The following SULF1 variants were observed in gnomAD, a reference collection of about 807,000 sequenced individuals.
The protein encoded by SULF1 is extracellular sulfatase Sulf-1.
A neutral mutation model predicts 110.5 loss-of-function variants in SULF1; 46 were observed. That is an observed-to-expected ratio of 0.42 (90% confidence interval 0.33 to 0.53). SULF1 has a LOEUF of 0.53. Ranked by LOEUF, SULF1 falls within the 20% of genes least tolerant of loss-of-function variation. The probability of loss-of-function intolerance (pLI) is 0.12; values close to 1 mark genes in which losing one functional copy is unlikely to be tolerated. For synonymous variants in SULF1, 371 were observed against 387.1 expected (o/e 0.96, Z 0.49); for missense variants, 941 against 1,094.2 (o/e 0.86, Z 1.98).
intron 3 of SULF1, among the ~76,000 whole-genome samples, chr8:69,539,225 A>G (rs1813691558): frequency 6.6e-6 from 1 of 152,146 alleles, no homozygotes; most frequent in Non-Finnish European, 1.5e-5. Flanking sequence ...AAGCTGAGAA[A>G]TGGCTTTTAG....
intron 2 of SULF1, among the ~76,000 whole-genome samples, chr8:69,500,573 A>G (rs1810726594): frequency 1.3e-5 from 2 of 152,350 alleles, no homozygotes; most frequent in South Asian, 4.1e-4. Flanking sequence ...TGAGGTGCAC[A>G]TACAATTATA....
chr8:69,491,846 G>C (rs1165040970), upstream of SULF1, among the ~76,000 whole-genome samples: 1 of 152,120 alleles, frequency 6.6e-6, no homozygotes, highest in African/African-American at 2.4e-5. Context: ...GACAGACAAC[G>C]CATGCGGAAT....
intron 6 of SULF1, among the ~76,000 whole-genome samples, chr8:69,582,338 C>A (rs1220057785): frequency 6.6e-6 from 1 of 152,100 alleles, no homozygotes; most frequent in African/African-American, 2.4e-5. Context: ...GCGAGATTTC[C>A]TTACACTGCA....
At chr8:69,474,286 C>T (rs1354745467) in intron 1 of SULF1, among the ~76,000 whole-genome samples, 1 of 152,198 alleles carries the variant, frequency 6.6e-6, no homozygotes, top group African/African-American at 2.4e-5. Flanking sequence ...GTGTGCACCT[C>T]TAGATATTAT....
Position 69,655,901 on chromosome 8 carries a change from C to T in SULF1, c.2586-2604C>T, listed in dbSNP as rs146170823. Among the ~76,000 whole-genome samples the T allele has an allele frequency of 2.2e-3, 328 of 152,298 alleles. 1 individual carries two copies. Among genetic ancestry groups the T allele is most frequent in the African/African-American group, 7.4e-3 (308 of 41,570 alleles). Reference sequence around the variant, plus strand: ...CATATATTATTTTTTCACACTTCTTCTACCTTTATTTTTATCCTAGATCTG... The same window carrying T: ...CATATATTATTTTTTCACACTTCTTTTACCTTTATTTTTATCCTAGATCTG... On this transcript the variant is annotated intron_variant, in intron 22 of 22. Transcript: ENST00000402687.
intron 1 of SULF1, among the ~76,000 whole-genome samples, chr8:69,471,995 A>AATTGAG (rs1809105372): frequency 8.0e-6 from 1 of 124,976 alleles, no homozygotes; most frequent in African/African-American, 3.2e-5. Flanking sequence ...AAGGGAGAGA[A>AATTGAG]AGTGAGAGAG....
At chr8:69,519,784 T>G (rs902347234) in intron 3 of SULF1, among the ~76,000 whole-genome samples, 1 of 152,192 alleles carries the variant, frequency 6.6e-6, no homozygotes, top group Non-Finnish European at 1.5e-5. Context: ...GGCTTTTAAT[T>G]TAAATAGCAA....
At chr8:69,545,231 C>T (rs1330083758) in intron 3 of SULF1, among the ~76,000 whole-genome samples, 1 of 151,998 alleles carries the variant, frequency 6.6e-6, no homozygotes, top group Non-Finnish European at 1.5e-5. Flanking sequence ...TTACCTCTAT[C>T]AATTTCATAG....
At chr8:69,575,449 C>G (rs1182404799) in intron 5 of SULF1, among the ~76,000 whole-genome samples, 2 of 152,082 alleles carry the variant, frequency 1.3e-5, no homozygotes, top group Non-Finnish European at 2.9e-5. Flanking sequence ...CATTGAAGAT[C>G]TTTTTTAATT....
intron 19 of SULF1, among the ~76,000 whole-genome samples, chr8:69,637,166 A>G (rs1373708345): frequency 1.3e-5 from 2 of 152,370 alleles, no homozygotes; most frequent in East Asian, 1.9e-4. Context: ...CAAATGCCAA[A>G]TGACCATAGA....
At chr8:69,604,098 A>G (rs1043491549) in intron 12 of SULF1, among the ~76,000 whole-genome samples, 1 of 152,224 alleles carries the variant, frequency 6.6e-6, no homozygotes, top group Non-Finnish European at 1.5e-5. Flanking sequence ...CAAAATATGT[A>G]TAATTGTGAT....
Position 69,512,778 on chromosome 8 carries a change from C to A in SULF1, c.-134+10810C>A, listed in dbSNP as rs57631729. On this transcript the variant is annotated intron_variant, in intron 3 of 22. Transcript: ENST00000402687. ...TTAGCTAGGTTCCCCAGGTTCCCTA[C>A]ACAACACCCCAGACTGCTCTTGCTT... Among the ~76,000 whole-genome samples the A allele has an allele frequency of 3.2e-3, 485 of 152,314 alleles. 4 individuals are homozygous for A. Among genetic ancestry groups the A allele is most frequent in the African/African-American group, 0.011 (451 of 41,570 alleles).
intron 1 of SULF1, among the ~76,000 whole-genome samples, chr8:69,481,975 T>C (rs1182300797): frequency 6.6e-6 from 1 of 152,178 alleles, no homozygotes; most frequent in Non-Finnish European, 1.5e-5. Context: ...CTTACTAAAC[T>C]CTTAACAGCT....
intron 13 of SULF1, among the ~76,000 whole-genome samples, chr8:69,618,554 A>G (rs1809358082): frequency 6.6e-6 from 1 of 152,168 alleles, no homozygotes; most frequent in African/African-American, 2.4e-5. Context: ...CCTGGACCCA[A>G]TTCTCAGTGG....
At chr8:69,590,394 A>T (rs758086515) in intron 8 of SULF1, among the ~76,000 whole-genome samples, 1 of 152,146 alleles carries the variant, frequency 6.6e-6, no homozygotes, top group Non-Finnish European at 1.5e-5. Flanking sequence ...AACTCCCCTG[A>T]CCTCAAGTGA....
chr8:69,576,021 C>G lies in SULF1; in HGVS notation c.224C>G (p.Ala75Gly), dbSNP rs758804596. The change falls in exon 6 of 23, where the codon GCC (alanine) becomes GGC (glycine). Residue 75 changes from alanine to glycine, a missense_variant. Ala to Gly is a moderately conservative substitution (Grantham distance 60). This residue lies in a region of SULF1 where 822 missense variants were observed against 934.3 expected (regional missense o/e 0.88). Coordinates refer to ENST00000402687, the MANE Select transcript of SULF1 (RefSeq NM_001128205.2). ...KTRKIMEHGGATFINAFVTTP... is the reference protein window; with the variant it reads ...KTRKIMEHGGGTFINAFVTTP... ...AGAAAGATTATGGAACATGGGGGGG[C>G]CACCTTCATCAATGCCTTTGTGACT... 5.0e-6 allele frequency: 8 copies of G among 1,613,974 alleles called. No individual in the cohort carries two copies. Among genetic ancestry groups the G allele is most frequent in the Admixed American group, 3.3e-5 (2 of 60,000 alleles).
chr8:69,650,176 A>G (rs1441927560), intron 22 of SULF1, among the ~76,000 whole-genome samples: 1 of 151,202 alleles, frequency 6.6e-6, no homozygotes, highest in African/African-American at 2.4e-5. Context: ...TTAAAAATTT[A>G]TTTTGTAGAG....
rs190639129 is a variant in SULF1, at chr8:69,598,601, A to G, written c.735-2002A>G. On this transcript the variant is annotated intron_variant, in intron 8 of 22. Transcript: ENST00000402687. Reference sequence around the variant, plus strand: ...GAGACGGGGTTTCCCCATGTTGGCCAGGCTGGTCTCGAACTCCTGACCTCA... The same window carrying G: ...GAGACGGGGTTTCCCCATGTTGGCCGGGCTGGTCTCGAACTCCTGACCTCA... Among the ~76,000 whole-genome samples the G allele has an allele frequency of 3.0e-3, 461 of 152,296 alleles. 3 individuals carry two copies. The highest frequency in any genetic ancestry group is 0.01 in the African/African-American group (433 of 41,554).
intron 3 of SULF1, among the ~76,000 whole-genome samples, chr8:69,534,398 C>T (rs184597437): frequency 2.6e-5 from 4 of 152,060 alleles, no homozygotes; most frequent in East Asian, 1.9e-4. Flanking sequence ...GTATTAACTC[C>T]GTCTTTAAGA....
Sources: gnomAD v4.1 joint callset for allele counts (sites outside exome capture counted in the v4.1 genomes callset) on GRCh38, gnomAD v4.1.1 for gene constraint, gnomAD v4.1.1 regional missense constraint, MANE v1.5 for transcripts, NCBI Gene and HGNC (gene_info 2026-07-23, HGNC 2026-07-21) for gene names.